Variants in ABCA3 observed in about 807,000 individuals in gnomAD.
ABCA3 encodes the protein phospholipid-transporting ATPase ABCA3.
Under a neutral mutation model 172.8 loss-of-function variants are expected in ABCA3, and 88 were observed. The ratio of observed to expected loss-of-function variants is 0.51; its 90% CI spans 0.43 to 0.61. The LOEUF (loss-of-function observed/expected upper bound fraction) is 0.61. Ranked by LOEUF, ABCA3 falls within the 20% of genes least tolerant of loss-of-function variation. The probability of loss-of-function intolerance (pLI) is 0.00; values close to 1 mark genes in which losing one functional copy is unlikely to be tolerated. For synonymous variants in ABCA3, 1,066 were observed against 983.8 expected (o/e 1.08, Z -1.56); for missense variants, 2,164 against 2,301.0 (o/e 0.94, Z 1.22).
chr16:2,295,497 G>C (rs922446071), intron 18 of ABCA3, 93 bp downstream of exon 18: 1 of 1,565,084 alleles, frequency 6.4e-7, no homozygotes, highest in Non-Finnish European at 8.7e-7. Context: ...CCAGAGAGGG[G>C]CAGAGCAGGT....
chr16:2,287,479 T>C lies in ABCA3; in HGVS notation c.3005-512A>G, dbSNP rs1164944053. On this transcript the variant is annotated intron_variant, in intron 21 of 32. Coordinates refer to ENST00000301732, the MANE Select transcript of ABCA3 (RefSeq NM_001089.3). The surrounding 1 kb of genome is among the most constrained non-coding windows in gnomAD (Gnocchi z 4.1). ...GTTTAGTAGAGACAGAGTTTTGCCA[T>C]GTTGACCAGGCTGGTCTCGAACTCC... is the stretch of plus-strand genomic sequence containing the variant. Among the ~76,000 whole-genome samples, 1 of 152,118 alleles carries C rather than the reference T, an allele frequency of 6.6e-6. No individual in the cohort carries two copies. The highest frequency in any genetic ancestry group is 2.4e-5 in the African/African-American group (1 of 41,424).
intron 28 of ABCA3, among the ~76,000 whole-genome samples, chr16:2,280,177 C>T (rs2093652880): frequency 6.6e-6 from 1 of 152,248 alleles, no homozygotes; most frequent in South Asian, 2.1e-4. Context: ...TCACCCTCTC[C>T]TCCATTGCTA....
At chr16:2,334,003 T>C (rs567941843) in intron 1 of ABCA3, among the ~76,000 whole-genome samples, 1 of 152,286 alleles carries the variant, frequency 6.6e-6, no homozygotes, top group East Asian at 1.9e-4. Context: ...ATGATAACAT[T>C]CTTAATCCAA....
chr16:2,316,397 C>A (rs2141728726), intron 10 of ABCA3, among the ~76,000 whole-genome samples: 1 of 140,084 alleles, frequency 7.1e-6, no homozygotes, highest in South Asian at 2.3e-4. Context: ...GTAATCCCAG[C>A]ACTTTGGGAA....
rs759671373 is a variant in ABCA3 at position 2,288,349 on chromosome 16, G to C, written c.2701-20C>G. 1.2e-5 allele frequency: 18 copies of C among 1,539,946 alleles called. No individual in the cohort carries two copies. In the African/African-American group the frequency reaches 2.0e-4, roughly 18 times the overall value. On this transcript the variant is annotated intron_variant, in intron 20 of 32. Transcript: ENST00000301732. ...GGCGAGCTGCGGCAGAGGGGACGCAGGTGACACCGGCACCGCTTGGGGCCC... is the reference window on the plus strand; with the variant it reads ...GGCGAGCTGCGGCAGAGGGGACGCACGTGACACCGGCACCGCTTGGGGCCC...
At chr16:2,292,811 C>T (rs1361900282) in intron 18 of ABCA3, among the ~76,000 whole-genome samples, 1 of 151,730 alleles carries the variant, frequency 6.6e-6, no homozygotes, top group Non-Finnish European at 1.5e-5. Flanking sequence ...AAAAACTACC[C>T]AGTCATGGCG....
rs574443855 is a variant in ABCA3, at chr16:2,297,841, G to A, written c.1977C>T (p.Asn659=). Residue 659 remains asparagine, a synonymous_variant, in exon 16 of 33, where the codon AAC becomes AAT. Transcript: ENST00000301732. The surrounding 1 kb of genome is among the most constrained non-coding windows in gnomAD (Gnocchi z 5.6). The part of the protein sequence containing the change: ...LHIIGLEDKW[N]SRSRFLSGGM... ...CCCCGCTCAGGAAGCGGCTCCGTGA[G>A]TTCCACTTGTCCTCCAGGCCGATGA... 2 of 1,613,838 alleles carry A rather than the reference G, an allele frequency of 1.2e-6. No individual in the cohort carries two copies. The highest frequency in any genetic ancestry group is 2.2e-5 in the East Asian group (1 of 44,862).
In ABCA3 at chr16:2,281,363, C is replaced by T. The variant is rs538969220; in HGVS notation, c.4164+18G>A. On this transcript the variant is annotated intron_variant, in intron 27 of 32. Transcript: ENST00000301732. The surrounding 1 kb of genome is among the most constrained non-coding windows in gnomAD (Gnocchi z 4.7). ...AGTCAGCTGGCAGGAAGGACTCCAC[C>T]CCAAATTGCAAGGGTACCTTGGAGA... 6.2e-7 allele frequency: 1 copy of T among 1,613,538 alleles called. No individual in the cohort carries two copies. Among genetic ancestry groups the T allele is most frequent in the African/African-American group, 1.3e-5 (1 of 75,034 alleles).
At chr16:2,290,276 T>C (rs2093670015) in intron 19 of ABCA3, among the ~76,000 whole-genome samples, 1 of 152,132 alleles carries the variant, frequency 6.6e-6, no homozygotes, top group African/African-American at 2.4e-5. Context: ...ATCTCGTCAG[T>C]ATTCCCTCTG....
At chr16:2,308,339 A>G in intron 11 of ABCA3, 111 bp downstream of exon 11, 1 of 1,369,916 alleles carries the variant, frequency 7.3e-7, no homozygotes, top group Middle Eastern at 1.8e-4. Context: ...AGTGGTCCCA[A>G]CTGCCTGCCA....
chr16:2,287,066 G>C lies in ABCA3; in HGVS notation c.3005-99C>G. On this transcript the variant is annotated intron_variant, in intron 21 of 32. Coordinates refer to ENST00000301732, the MANE Select transcript of ABCA3 (RefSeq NM_001089.3). The surrounding 1 kb of genome is among the most constrained non-coding windows in gnomAD (Gnocchi z 4.1). The stretch of plus-strand genomic sequence containing the variant: ...CTAATCAGGGACCCAATAGAGTGGT[G>C]CCAGCATCCTCTGAGCTGCCCGCCC... The C allele has an allele frequency of 1.4e-6, 2 of 1,388,896 alleles. No homozygotes were observed. The highest frequency in any genetic ancestry group is 2.5e-5 in the South Asian group (2 of 80,566). 86.0% of individuals were successfully genotyped at this position (1,388,896 alleles called of 1,614,324 possible).
At position 2,287,010 on chromosome 16, in the gene ABCA3, C is replaced by T. The variant is rs762566534; in HGVS notation, c.3005-43G>A. 6.3e-6 allele frequency: 10 copies of T among 1,594,268 alleles called. No homozygotes were observed. The highest frequency in any genetic ancestry group is 5.3e-5 in the Admixed American group (3 of 56,732). On this transcript the variant is annotated intron_variant, in intron 21 of 32. Transcript: ENST00000301732. This position sits in a 1 kb window ranked among gnomAD's most constrained non-coding sequence, Gnocchi z 4.1. ...AGTCAGGGGACACAGGAAGAGGTGA[C>T]ACCTGGGCACCCCCTGCCACCTGAG...
chr16:2,284,325 C>G lies in ABCA3; in HGVS notation c.3816G>C (p.Arg1272Ser). The G allele has an allele frequency of 6.2e-7, 1 of 1,613,898 alleles. No individual in the cohort carries two copies. Among genetic ancestry groups the G allele is most frequent in the Non-Finnish European group, 8.5e-7 (1 of 1,179,998 alleles). The change falls in exon 25 of 33, where the codon AGG (arginine) becomes AGC (serine). Residue 1272 changes from arginine (R) to serine (S), a missense_variant. Physicochemically the swap from Arg to Ser is moderately radical, Grantham distance 110. Coordinates refer to ENST00000301732, the MANE Select transcript of ABCA3 (RefSeq NM_001089.3). The surrounding 1 kb of genome is among the most constrained non-coding windows in gnomAD (Gnocchi z 5.9). ...CGGCGACCTCGGAGGAGGTGCAGTA[C>G]CTCCGCGTCTCGTAGTTCTCGTAGA... ...SSFYENYETR[R>S]YCTSSEVAAH...
chr16:2,339,143 A>G (rs1596875676), intron 1 of ABCA3: 1 of 152,344 alleles, frequency 6.6e-6, no homozygotes, highest in African/African-American at 2.4e-5. Context: ...TAGATTCCAC[A>G]GTCTCCGGAA....
In ABCA3 at chr16:2,326,163, T is replaced by C. The variant is rs774682550; in HGVS notation, c.166A>G (p.Ile56Val). The C allele has an allele frequency of 4.3e-6, 7 of 1,614,158 alleles. No individual in the cohort carries two copies. Among genetic ancestry groups the C allele is most frequent in the Non-Finnish European group, 5.9e-6 (7 of 1,180,042 alleles). The change falls in exon 5 of 33, where the codon ATC becomes GTC. Residue 56 changes from isoleucine (I) to valine (V), a missense_variant. Ile to Val is a conservative substitution (Grantham distance 29). This residue lies in a region of ABCA3 where 1,343 missense variants were observed against 1,369.6 expected (regional missense o/e 0.98). Coordinates refer to ENST00000301732, the MANE Select transcript of ABCA3 (RefSeq NM_001089.3). ...TCCTGGATGGACTGGCCCGGGTAGA[T>C]GGTGGCGTTGGGCACATTTTCCGAC... is the stretch of plus-strand genomic sequence containing the variant. ...IQSENVPNATIYPGQSIQELP... is the reference protein window; with the variant it reads ...IQSENVPNATVYPGQSIQELP...
intron 20 of ABCA3, 102 bp from the exon 21 acceptor site, chr16:2,288,431 G>C (rs923661325): frequency 2.9e-5 from 40 of 1,365,192 alleles, no homozygotes; most frequent in Non-Finnish European, 3.8e-5. Flanking sequence ...GCCAGCCTGG[G>C]GGCCTGCAGC....
Position 2,295,575 on chromosome 16 carries a change from C to T in ABCA3, c.2414+15G>A, listed in dbSNP as rs1198149530. On this transcript the variant is annotated intron_variant, in intron 18 of 32. Transcript: ENST00000301732. Reference sequence around the variant, plus strand: ...TTGGATGTATACCTGTGCGTGCCCTCCCTGGGAGGCGTACCTGTGCGTGCT... The same window carrying T: ...TTGGATGTATACCTGTGCGTGCCCTTCCTGGGAGGCGTACCTGTGCGTGCT... 26 of 1,611,108 alleles carry T rather than the reference C, an allele frequency of 1.6e-5. No individual in the cohort carries two copies. The highest frequency in any genetic ancestry group is 8.0e-5 in the African/African-American group (6 of 74,918).
Position 2,278,905 on chromosome 16 carries a change from A to C in ABCA3, c.4547+38T>G. 2 of 1,612,346 alleles carry C rather than the reference A, an allele frequency of 1.2e-6. No homozygotes were observed. The highest frequency in any genetic ancestry group is 1.7e-6 in the Non-Finnish European group (2 of 1,179,850). On this transcript the variant is annotated intron_variant, in intron 29 of 32. Coordinates refer to ENST00000301732, the MANE Select transcript of ABCA3 (RefSeq NM_001089.3). This position sits in a 1 kb window ranked among gnomAD's most constrained non-coding sequence, Gnocchi z 4.4. ...CTATGCTATGGGGACCTTGATTCTG[A>C]CTCCACTCTGGGAAGGGCCAGGGCT...
Position 2,295,667 on chromosome 16 carries a change from G to T in ABCA3, c.2337C>A (p.His779Gln), listed in dbSNP as rs768544078. 6.2e-7 allele frequency: 1 copy of T among 1,614,084 alleles called. No individual in the cohort carries two copies. Among genetic ancestry groups the T allele is most frequent in the Non-Finnish European group, 8.5e-7 (1 of 1,180,050 alleles). Residue 779 changes from histidine to glutamine, a missense_variant, in exon 18 of 33, where the codon CAC becomes CAA. By Grantham distance (24) the His-to-Gln change is conservative. This residue lies in a region of ABCA3 where 1,343 missense variants were observed against 1,369.6 expected (regional missense o/e 0.98). Transcript: ENST00000301732. ...TCTCCAGCGTGGCGTTGGGCACGTGGTGGTGGACCAGCTGGGAGATGTCTT... is the reference window on the plus strand; with the variant it reads ...TCTCCAGCGTGGCGTTGGGCACGTGTTGGTGGACCAGCTGGGAGATGTCTT... ...NPEDISQLVH[H>Q]HVPNATLESS...
Sources: allele counts gnomAD v4.1 joint callset (sites outside exome capture counted in the v4.1 genomes callset), GRCh38; gene constraint gnomAD v4.1.1; regional missense constraint gnomAD v4.1.1; non-coding constraint Gnocchi (gnomAD v3.1); transcripts MANE v1.5; gene names NCBI Gene and HGNC (gene_info 2026-07-23, HGNC 2026-07-21).